NUDT3: variants seen among roughly 807,000 people sequenced by gnomAD.
NUDT3 encodes the protein diphosphoinositol polyphosphate phosphohydrolase 1.
A neutral mutation model predicts 23.6 loss-of-function variants in NUDT3; 9 were observed. That is an observed-to-expected ratio of 0.38 (90% CI 0.23 to 0.66). The LOEUF (loss-of-function observed/expected upper bound fraction) is 0.66. Among genes scored for constraint, NUDT3 ranks in the 30% least tolerant of loss-of-function variants. NUDT3 has a pLI of 0.52. For synonymous variants in NUDT3, 86 were observed against 82.6 expected, an observed-to-expected ratio of 1.04 and a Z score of -0.22; for missense variants, 172 against 218.5, an observed-to-expected ratio of 0.79 and a Z score of 1.34.
Position 34,351,722 on chromosome 6 carries a change from CAA to C in NUDT3, c.100-9752_100-9751del, listed in dbSNP as rs1764480586. Among the ~76,000 whole-genome samples, 2 of 100,136 alleles carry C rather than the reference CAA, an allele frequency of 2.0e-5. 1 individual carries two copies. Among genetic ancestry groups the C allele is most frequent in the South Asian group, 6.2e-4 (2 of 3,242 alleles). The allele number at this position is 100,136 out of a possible 152,430, so 65.7% of individuals were successfully genotyped here. A position where few individuals can be genotyped will look rare whatever the true frequency, so the allele number is the denominator to read the frequency against. Reference sequence around the variant, plus strand: ...CACCATTGCATTCCAGCCTGTGCGACAAGAGTCAAACTCTGTCTCAAAAAAAA... The same window carrying C: ...CACCATTGCATTCCAGCCTGTGCGACGAGTCAAACTCTGTCTCAAAAAAAA... On this transcript the variant is annotated intron_variant, in intron 1 of 4. Coordinates refer to ENST00000607016, the MANE Select transcript of NUDT3 (RefSeq NM_006703.4).
rs890689164 is a variant in NUDT3, at chr6:34,281,791, G to T, written c.*6962C>A. The T allele has an allele frequency of 2.0e-5, 3 of 152,178 alleles. No individual in the cohort carries two copies. The highest frequency in any genetic ancestry group is 7.2e-5 in the African/African-American group (3 of 41,434). The allele number at this position is 152,178 out of a possible 1,614,324, so 9.4% of individuals were successfully genotyped here. ...TGGGAGCAAATTGGATTTTTGAAGG[G>T]AGAGTCCTCTTAGAAAATTCTGAGC... On this transcript the variant is annotated 3_prime_UTR_variant, in exon 5 of 5. Coordinates refer to ENST00000607016, the MANE Select transcript of NUDT3 (RefSeq NM_006703.4).
At chr6:34,351,216 A>C (rs867314925) in intron 1 of NUDT3, among the ~76,000 whole-genome samples, 49 of 130,776 alleles carry the variant, frequency 3.7e-4, no homozygotes, top group African/African-American at 1.5e-3. Context: ...AAAAAAAAAA[A>C]AAAAAAAAAA....
chr6:34,304,734 C>A (rs1190870227), intron 2 of NUDT3, among the ~76,000 whole-genome samples: 1 of 151,256 alleles, frequency 6.6e-6, no homozygotes, highest in Admixed American at 6.6e-5. Flanking sequence ...GATCATGGCT[C>A]ACTGCAGCCT....
rs1300197325 is a variant in NUDT3, at chr6:34,284,384, CTG to C, written c.*4367_*4368del. On this transcript the variant is annotated 3_prime_UTR_variant, in exon 5 of 5. Transcript: ENST00000607016. ...TCTCTTAAAGCAAAAATTCATTCCACTGTGATTTCTCCAGGTATTTCCTGCAA... is the reference window on the plus strand; with the variant it reads ...TCTCTTAAAGCAAAAATTCATTCCACTGATTTCTCCAGGTATTTCCTGCAA... The C allele has an allele frequency of 6.6e-6, 1 of 152,130 alleles. No individual in the cohort carries two copies. Among genetic ancestry groups the C allele is most frequent in the Non-Finnish European group, 1.5e-5 (1 of 68,032 alleles). The allele number at this position is 152,130 out of a possible 1,614,324, so 9.4% of individuals were successfully genotyped here.
At position 34,297,732 on chromosome 6, in the gene NUDT3, TATATATATATATATATA is replaced by T. The variant is rs1763528592; in HGVS notation, c.211-2064_211-2048del. Among the ~76,000 whole-genome samples, 3 of 27,758 alleles carry T rather than the reference TATATATATATATATATA, an allele frequency of 1.1e-4. 1 individual carries two copies. The highest frequency in any genetic ancestry group is 4.8e-4 in the African/African-American group (3 of 6,186). 18.2% of individuals were successfully genotyped at this position (27,758 alleles called of 152,430 possible). On this transcript the variant is annotated intron_variant, in intron 2 of 4. Transcript: ENST00000607016. ...CCCGGCTAATGTAAAAAAAAAAAAATATATATATATATATATATATATATATAATTTTTTTTTTTTTT... is the reference window on the plus strand; with the variant it reads ...CCCGGCTAATGTAAAAAAAAAAAAATTATATATATAATTTTTTTTTTTTTT...
chr6:34,295,533 A>T, intron 3 of NUDT3, 108 bp downstream of exon 3: 1 of 1,322,280 alleles, frequency 7.6e-7, no homozygotes, highest in Non-Finnish European at 1.0e-6. Context: ...AGTTAAAAAT[A>T]ACTAAAAAAA....
At chr6:34,368,853 T>G (rs567717929) in intron 1 of NUDT3, among the ~76,000 whole-genome samples, 1 of 152,344 alleles carries the variant, frequency 6.6e-6, no homozygotes, top group East Asian at 1.9e-4. Context: ...TTAGCCAGGA[T>G]GGTCTTGATC....
chr6:34,316,225 T>C (rs1487675002), intron 2 of NUDT3, among the ~76,000 whole-genome samples: 1 of 138,676 alleles, frequency 7.2e-6, no homozygotes, highest in East Asian at 1.9e-4. Flanking sequence ...ACCGTATCTA[T>C]TTTAGGGCCT....
At chr6:34,353,871 C>G (rs757241187) in intron 1 of NUDT3, among the ~76,000 whole-genome samples, 1 of 150,638 alleles carries the variant, frequency 6.6e-6, no homozygotes, top group Non-Finnish European at 1.5e-5. Flanking sequence ...CCGGCTAATA[C>G]TTGTTTGTAG....
intron 1 of NUDT3, among the ~76,000 whole-genome samples, chr6:34,369,209 C>G (rs527707402): frequency 1.3e-5 from 2 of 152,284 alleles, no homozygotes; most frequent in East Asian, 3.9e-4. Context: ...TTCAACTCAT[C>G]AAAATGACTA....
intron 1 of NUDT3, among the ~76,000 whole-genome samples, chr6:34,368,520 T>C (rs556818328): frequency 4.6e-5 from 7 of 152,078 alleles, no homozygotes; most frequent in Non-Finnish European, 7.4e-5. Context: ...AATCAAAACA[T>C]AGTACAGGGG....
intron 1 of NUDT3, 78 bp from the exon 2 acceptor site, chr6:34,342,050 C>A: frequency 3.1e-6 from 4 of 1,290,086 alleles, no homozygotes; most frequent in South Asian, 1.4e-5. Flanking sequence ...TTAAACACCA[C>A]AAACATCAAA....
intron 1 of NUDT3, among the ~76,000 whole-genome samples, chr6:34,382,830 CA>C (rs35166080): frequency 1.3e-4 from 19 of 144,610 alleles, no homozygotes; most frequent in Admixed American, 1.4e-4. Context: ...GACCCTGTCT[CA>C]AAAAAAAAAG....
At position 34,390,277 on chromosome 6, in the gene NUDT3, T is replaced by C. The variant is rs369010523; in HGVS notation, c.99+1987A>G. 4.5e-4 allele frequency among the ~76,000 whole-genome samples: 68 copies of C among 150,384 alleles called. 1 individual carries two copies. The East Asian group carries it at 0.012, about 27-fold the overall frequency. ...CCACTGCACTCCAGCCTGGGCGACA[T>C]AGCAAGAGTCGGTCTCAAAAAAAAA... On this transcript the variant is annotated intron_variant, in intron 1 of 4. Transcript: ENST00000607016.
At chr6:34,369,941 G>C (rs1764801202) in intron 1 of NUDT3, among the ~76,000 whole-genome samples, 1 of 151,690 alleles carries the variant, frequency 6.6e-6, no homozygotes, top group African/African-American at 2.4e-5. Context: ...ACAAATCTGA[G>C]GTTTCCCAGA....
At chr6:34,381,266 C>T (rs538227721) in intron 1 of NUDT3, among the ~76,000 whole-genome samples, 14 of 152,268 alleles carry the variant, frequency 9.2e-5, no homozygotes, top group East Asian at 1.9e-4. Flanking sequence ...AATCCTCCCA[C>T]TCGGCTTCCC....
intron 2 of NUDT3, among the ~76,000 whole-genome samples, chr6:34,334,696 T>G (rs1384962409): frequency 1.3e-5 from 2 of 151,750 alleles, no homozygotes; most frequent in African/African-American, 4.8e-5. Context: ...ATCCCAGCAC[T>G]TTGGGAAGCT....
At chr6:34,320,452 AACCT>A (rs752979925) in intron 2 of NUDT3, among the ~76,000 whole-genome samples, 19 of 151,998 alleles carry the variant, frequency 1.3e-4, no homozygotes, top group Non-Finnish European at 2.2e-4. Flanking sequence ...TCAAACTCCT[AACCT>A]CGTGATCCGC....
At chr6:34,339,703 C>T (rs1444154918) in intron 2 of NUDT3, among the ~76,000 whole-genome samples, 1 of 152,082 alleles carries the variant, frequency 6.6e-6, no homozygotes, top group African/African-American at 2.4e-5. Context: ...CTACTTTTGC[C>T]CTATAATGGC....
Sources: gnomAD v4.1 joint callset for allele counts (sites outside exome capture counted in the v4.1 genomes callset) on GRCh38, gnomAD v4.1.1 for gene constraint, MANE v1.5 for transcripts, NCBI Gene and HGNC (gene_info 2026-07-23, HGNC 2026-07-21) for gene names.